RNGTT: variants seen among roughly 807,000 people sequenced by gnomAD.
The protein encoded by RNGTT is RNA guanylyltransferase and 5'-phosphatase, also known as mRNA-capping enzyme.
RNGTT carries 33 observed loss-of-function variants against 79.3 expected under a neutral mutation model. The observed-to-expected ratio is 0.42, with a 90% CI of 0.32 to 0.56. The LOEUF (loss-of-function observed/expected upper bound fraction) is 0.56. Ranked by LOEUF, RNGTT falls within the 20% of genes least tolerant of loss-of-function variation. The probability of loss-of-function intolerance (pLI) is 0.17; values close to 1 mark genes in which losing one functional copy is unlikely to be tolerated. For missense variants in RNGTT, 497 were observed against 739.1 expected, an observed-to-expected ratio of 0.67 and a Z score of 3.80; for synonymous variants, 222 against 235.9, an observed-to-expected ratio of 0.94 and a Z score of 0.54.
intron 11 of RNGTT, 82 bp downstream of exon 11, chr6:88,844,275 A>G: frequency 2.2e-6 from 3 of 1,336,784 alleles, no homozygotes; most frequent in Non-Finnish European, 3.1e-6. Flanking sequence ...ACAACTGGGC[A>G]GCAAAATGTC....
Position 88,825,527 on chromosome 6 carries a change from C to T in RNGTT, c.1269+18830G>A, listed in dbSNP as rs543940823. 7.2e-5 allele frequency among the ~76,000 whole-genome samples: 11 copies of T among 152,282 alleles called. No homozygotes were observed. In the East Asian group the frequency reaches 2.1e-3, roughly 29 times the overall value. Reference sequence around the variant, plus strand: ...CTAATCAGAGATACTAACTTGAAAACCATTACTTTTAAATAAATACAGCCT... The same window carrying T: ...CTAATCAGAGATACTAACTTGAAAATCATTACTTTTAAATAAATACAGCCT... On this transcript the variant is annotated intron_variant, in intron 11 of 15. Coordinates refer to ENST00000369485, the MANE Select transcript of RNGTT (RefSeq NM_003800.5).
rs542531697 is a variant in RNGTT at position 88,624,341 on chromosome 6, T to C, written c.1507-9946A>G. The stretch of plus-strand genomic sequence containing the variant: ...GATCTCAAAACTTAGTATAAAGCTA[T>C]AGTTATCAAGACAGTGTGGTATTAT... On this transcript the variant is annotated intron_variant, in intron 14 of 15. Transcript: ENST00000369485. Among the ~76,000 whole-genome samples the C allele has an allele frequency of 6.1e-4, 93 of 152,024 alleles. 1 individual carries two copies. In the South Asian group the frequency reaches 0.018, roughly 30 times the overall value.
chr6:88,955,355 C>G (rs1785391631), intron 1 of RNGTT, among the ~76,000 whole-genome samples: 1 of 151,872 alleles, frequency 6.6e-6, no homozygotes, highest in African/African-American at 2.4e-5. Context: ...TCGAGACCAG[C>G]CTGGCCAACA....
intron 13 of RNGTT, among the ~76,000 whole-genome samples, chr6:88,727,003 G>T (rs752090217): frequency 1.9e-5 from 2 of 105,252 alleles, no homozygotes; most frequent in Non-Finnish European, 4.2e-5. Context: ...AAAAAGGGGT[G>T]GGGGGGGAGA....
intron 13 of RNGTT, among the ~76,000 whole-genome samples, chr6:88,732,697 T>C (rs906655354): frequency 5.3e-5 from 8 of 152,308 alleles, no homozygotes; most frequent in African/African-American, 1.9e-4. Flanking sequence ...TTCTGACATA[T>C]ACCACATCAT....
At chr6:88,620,806 A>T (rs1309847270) in intron 14 of RNGTT, among the ~76,000 whole-genome samples, 1 of 152,206 alleles carries the variant, frequency 6.6e-6, no homozygotes, top group Non-Finnish European at 1.5e-5. Context: ...AAAAATTACT[A>T]GTTGAAGCGA....
At chr6:88,808,686 G>A (rs1375957983) in intron 11 of RNGTT, among the ~76,000 whole-genome samples, 2 of 152,174 alleles carry the variant, frequency 1.3e-5, no homozygotes, top group Non-Finnish European at 2.9e-5. Flanking sequence ...GAAGCAGGCA[G>A]ATAGCTTGAG....
chr6:88,669,887 T>C (rs1774564776), intron 14 of RNGTT, among the ~76,000 whole-genome samples: 1 of 152,230 alleles, frequency 6.6e-6, no homozygotes, highest in South Asian at 2.1e-4. Flanking sequence ...TATAGTACTA[T>C]GGGCCTGCCA....
chr6:88,640,327 A>C (rs1177848123), intron 14 of RNGTT, among the ~76,000 whole-genome samples: 1 of 151,090 alleles, frequency 6.6e-6, no homozygotes, highest in Non-Finnish European at 1.5e-5. Flanking sequence ...AGGTGGGAGG[A>C]TAACTTCAGC....
chr6:88,676,901 T>A (rs895859396), intron 14 of RNGTT, among the ~76,000 whole-genome samples: 1 of 152,264 alleles, frequency 6.6e-6, no homozygotes. Context: ...CCTAGATATT[T>A]ACCCAAGAGA....
At chr6:88,771,315 GTATATATATATATATATA>G (rs539282627) in intron 12 of RNGTT, among the ~76,000 whole-genome samples, 10 of 62,070 alleles carry the variant, frequency 1.6e-4, no homozygotes, top group Admixed American at 3.6e-4. Flanking sequence ...GTGTGTGTGT[GTATATATATATATATATA>G]TATATATATA....
chr6:88,838,708 T>C (rs1026095863), intron 11 of RNGTT, among the ~76,000 whole-genome samples: 2 of 152,136 alleles, frequency 1.3e-5, no homozygotes, highest in African/African-American at 4.8e-5. Context: ...ATATATTCAT[T>C]ACAATTCCAA....
intron 13 of RNGTT, among the ~76,000 whole-genome samples, chr6:88,745,170 A>G (rs1777621034): frequency 6.6e-6 from 1 of 152,194 alleles, no homozygotes; most frequent in Non-Finnish European, 1.5e-5. Context: ...AACTTTAAAG[A>G]AGAGAAACTC....
chr6:88,659,254 A>G (rs1287990883), intron 14 of RNGTT, among the ~76,000 whole-genome samples: 1 of 152,204 alleles, frequency 6.6e-6, no homozygotes, highest in Non-Finnish European at 1.5e-5. Flanking sequence ...AACACCCACT[A>G]AAGATCACAC....
At chr6:88,719,075 A>G (rs1776619773) in intron 13 of RNGTT, among the ~76,000 whole-genome samples, 1 of 152,228 alleles carries the variant, frequency 6.6e-6, no homozygotes, top group South Asian at 2.1e-4. Flanking sequence ...TTAAGAAAAT[A>G]GCAGACTTGA....
Position 88,910,951 on chromosome 6 carries a change from C to T in RNGTT, c.368-4511G>A, listed in dbSNP as rs541090672. Among the ~76,000 whole-genome samples, 51 of 152,280 alleles carry T rather than the reference C, an allele frequency of 3.3e-4. 1 individual carries two copies. Among genetic ancestry groups the T allele is most frequent in the African/African-American group, 1.2e-3 (51 of 41,552 alleles). ...TAGCAATTGCTAAGGGAATCTGTTA[C>T]CACTAGACTGGCCTTACAAGAGATG... On this transcript the variant is annotated intron_variant, in intron 4 of 15. Transcript: ENST00000369485.
At chr6:88,806,302 G>T (rs528965203) in intron 11 of RNGTT, among the ~76,000 whole-genome samples, 1 of 149,736 alleles carries the variant, frequency 6.7e-6, no homozygotes, top group Non-Finnish European at 1.5e-5. Flanking sequence ...CAACGTTGTC[G>T]AGAAAAAGGA....
At chr6:88,715,428 C>T (rs965824350) in intron 13 of RNGTT, among the ~76,000 whole-genome samples, 1 of 152,072 alleles carries the variant, frequency 6.6e-6, no homozygotes, top group Non-Finnish European at 1.5e-5. Flanking sequence ...CCCCATCAAG[C>T]TACCAATGAC....
At chr6:88,905,953 T>C (rs1174759465) in intron 5 of RNGTT, among the ~76,000 whole-genome samples, 1 of 152,126 alleles carries the variant, frequency 6.6e-6, no homozygotes, top group East Asian at 1.9e-4. Context: ...AAGATCAGCC[T>C]GGGTAACATA....
Sources: gnomAD v4.1 joint callset for allele counts (sites outside exome capture counted in the v4.1 genomes callset) on GRCh38, gnomAD v4.1.1 for gene constraint, MANE v1.5 for transcripts, NCBI Gene and HGNC (gene_info 2026-07-23, HGNC 2026-07-21) for gene names.